The following USP19 variants were observed in gnomAD, a reference collection of about 807,000 sequenced individuals.
USP19 encodes the protein ubiquitin specific peptidase 19, also known as ubiquitin carboxyl-terminal hydrolase 19.
USP19 carries 40 observed loss-of-function variants against 144.8 expected under a neutral mutation model. The ratio of observed to expected loss-of-function variants is 0.28; its 90% CI spans 0.21 to 0.36. The LOEUF (loss-of-function observed/expected upper bound fraction) is 0.36, where lower values mean the gene tolerates loss of function less well. Ranked by LOEUF, USP19 falls within the 10% of genes least tolerant of loss-of-function variation. The pLI, the probability that USP19 is intolerant of heterozygous loss-of-function variation, is 1.00. For missense variants in USP19, 1,518 were observed against 1,822.5 expected (o/e 0.83, Z 3.04); for synonymous variants, 701 against 709.3 (o/e 0.99, Z 0.19).
Position 49,108,974 on chromosome 3 carries a change from T to A in USP19, c.4039-446A>T. 1 of 1,611,280 alleles carries A rather than the reference T, an allele frequency of 6.2e-7. No individual in the cohort carries two copies. The highest frequency in any genetic ancestry group is 8.5e-7 in the Non-Finnish European group (1 of 1,178,658). Reference sequence around the variant, plus strand: ...CAGGCGAGCTCATCTCCAGCGACTCTGGGATACCAGAGGATAGAACACGTT... The same window carrying A: ...CAGGCGAGCTCATCTCCAGCGACTCAGGGATACCAGAGGATAGAACACGTT... On this transcript the variant is annotated intron_variant, in intron 26 of 26. Transcript: ENST00000417901. The surrounding 1 kb of genome is among the most constrained non-coding windows in gnomAD (Gnocchi z 4.8).
Position 49,111,853 on chromosome 3 carries a change from C to A in USP19, c.2904-40G>T. The A allele has an allele frequency of 1.3e-6, 2 of 1,598,250 alleles. No homozygotes were observed. The highest frequency in any genetic ancestry group is 1.7e-6 in the Non-Finnish European group (2 of 1,170,752). Reference sequence around the variant, plus strand: ...CAACGCAAGTAAGACTCCTGACCAGCCCATCTAGCACCTCTGCCCCCACCT... The same window carrying A: ...CAACGCAAGTAAGACTCCTGACCAGACCATCTAGCACCTCTGCCCCCACCT... On this transcript the variant is annotated intron_variant, in intron 20 of 26. Coordinates refer to ENST00000417901, the MANE Select transcript of USP19 (RefSeq NM_001199161.2). The surrounding 1 kb of genome is among the most constrained non-coding windows in gnomAD (Gnocchi z 5.9).
chr3:49,109,095 C>T, intron 26 of USP19: 1 of 1,592,120 alleles, frequency 6.3e-7, no homozygotes, highest in Non-Finnish European at 8.5e-7. Context: ...AGGGGGCCCA[C>T]CCAGTCTTGG....
At chr3:49,109,046 CG>C (rs1253158989) in intron 26 of USP19, 1 of 1,612,702 alleles carries the variant, frequency 6.2e-7, no homozygotes, top group Admixed American at 1.7e-5. Flanking sequence ...GACAAAGTAC[CG>C]GAGGCAGCCC....
chr3:49,111,046 C>G lies in USP19; in HGVS notation c.3449G>C (p.Gly1150Ala). The change falls in exon 23 of 27, where the codon GGC becomes GCC. Residue 1150 changes from glycine to alanine, a missense_variant. Coordinates refer to ENST00000417901, the MANE Select transcript of USP19 (RefSeq NM_001199161.2). This position sits in a 1 kb window ranked among gnomAD's most constrained non-coding sequence, Gnocchi z 5.9. ...SKELECAEDP[G>A]SAGEAARAGH... is the part of the protein sequence containing the mutation. ...GGCCCGGGCAGCCTCACCGGCAGAG[C>G]CTGGATCCTCAGCACATTCCAGCTC... The G allele has an allele frequency of 6.2e-7, 1 of 1,614,064 alleles. No individual in the cohort carries two copies. Among genetic ancestry groups the G allele is most frequent in the Non-Finnish European group, 8.5e-7 (1 of 1,180,024 alleles).
At chr3:49,109,084 T>A (rs1329568471) in intron 26 of USP19, 3 of 1,600,912 alleles carry the variant, frequency 1.9e-6, no homozygotes, top group East Asian at 2.3e-5. Context: ...GGCCACGTGG[T>A]AGGGGGCCCA....
In USP19 at chr3:49,116,374, G is replaced by A. The variant is rs895463185; in HGVS notation, c.1284-23C>T. ...TCCCTGCAGAGGCACAGCAGGATAG[G>A]AGGAAGGACAAGAGGAAGAGCATGA... On this transcript the variant is annotated intron_variant, in intron 8 of 26. Transcript: ENST00000417901. The surrounding 1 kb of genome is among the most constrained non-coding windows in gnomAD (Gnocchi z 5.0). The A allele has an allele frequency of 6.2e-7, 1 of 1,614,010 alleles. No individual in the cohort carries two copies. The highest frequency in any genetic ancestry group is 1.3e-5 in the African/African-American group (1 of 74,928).
Position 49,117,391 on chromosome 3 carries a change from C to A in USP19, c.607-30G>T, listed in dbSNP as rs775413203. 9.1e-5 allele frequency: 146 copies of A among 1,608,300 alleles called. No individual in the cohort carries two copies. The highest frequency in any genetic ancestry group is 1.2e-4 in the Non-Finnish European group (143 of 1,175,704). On this transcript the variant is annotated intron_variant, in intron 5 of 26. Coordinates refer to ENST00000417901, the MANE Select transcript of USP19 (RefSeq NM_001199161.2). The surrounding 1 kb of genome is among the most constrained non-coding windows in gnomAD (Gnocchi z 4.4). ...CAAAGATACAGCAGTCAGGCCCTGT[C>A]GACTACACTGGTATCCCTACCCAAC...
chr3:49,116,506 C>T lies in USP19; in HGVS notation c.1228G>A (p.Asp410Asn). Reference protein sequence around the residue: ...VHVYVKEICRDTSRVLFREQD... With the variant: ...VHVYVKEICRNTSRVLFREQD... ...TCACGGAAAAGTACTCTTGAGGTGT[C>T]CCTGCAGATCTCCTTCACGTACACG... The change falls in exon 8 of 27, where the codon GAC (aspartate) becomes AAC (asparagine). Residue 410 changes from aspartate (D) to asparagine (N), a missense_variant. This residue lies in a region of USP19 where 707 missense variants were observed against 728.9 expected (regional missense o/e 0.97). Coordinates refer to ENST00000417901, the MANE Select transcript of USP19 (RefSeq NM_001199161.2). The surrounding 1 kb of genome is among the most constrained non-coding windows in gnomAD (Gnocchi z 5.0). The T allele has an allele frequency of 6.2e-7, 1 of 1,614,206 alleles. No individual in the cohort carries two copies. Among genetic ancestry groups the T allele is most frequent in the Non-Finnish European group, 8.5e-7 (1 of 1,180,040 alleles).
In USP19 at chr3:49,111,044, A is replaced by G. The variant is rs766427586; in HGVS notation, c.3451T>C (p.Ser1151Pro). The G allele has an allele frequency of 1.2e-6, 2 of 1,614,030 alleles. No homozygotes were observed. Among genetic ancestry groups the G allele is most frequent in the Admixed American group, 1.7e-5 (1 of 60,024 alleles). The change falls in exon 23 of 27, where the codon TCT (serine) becomes CCT (proline). Residue 1151 changes from serine (S) to proline (P), a missense_variant. By Grantham distance (74) the Ser-to-Pro change is moderately conservative. Transcript: ENST00000417901. The surrounding 1 kb of genome is among the most constrained non-coding windows in gnomAD (Gnocchi z 5.9). Reference sequence around the variant, plus strand: ...CCGGCCCGGGCAGCCTCACCGGCAGAGCCTGGATCCTCAGCACATTCCAGC... The same window carrying G: ...CCGGCCCGGGCAGCCTCACCGGCAGGGCCTGGATCCTCAGCACATTCCAGC... Reference protein sequence around the residue: ...KELECAEDPGSAGEAARAGHF... With the variant: ...KELECAEDPGPAGEAARAGHF...
chr3:49,111,865 C>A lies in USP19; in HGVS notation c.2903+46G>T. The A allele has an allele frequency of 9.3e-6, 15 of 1,607,940 alleles. No homozygotes were observed. Among genetic ancestry groups the A allele is most frequent in the Non-Finnish European group, 1.2e-5 (14 of 1,176,194 alleles). Reference sequence around the variant, plus strand: ...GACTCCTGACCAGCCCATCTAGCACCTCTGCCCCCACCTACACCACTCTAG... The same window carrying A: ...GACTCCTGACCAGCCCATCTAGCACATCTGCCCCCACCTACACCACTCTAG... On this transcript the variant is annotated intron_variant, in intron 20 of 26. Transcript: ENST00000417901. This position sits in a 1 kb window ranked among gnomAD's most constrained non-coding sequence, Gnocchi z 5.9.
rs61760207 is a variant in USP19 at position 49,111,522 on chromosome 3, G to T, written c.3195C>A (p.Gly1065=). The change falls in exon 21 of 27, where the codon GGC becomes GGA. Residue 1065 remains glycine, a synonymous_variant. Transcript: ENST00000417901. This position sits in a 1 kb window ranked among gnomAD's most constrained non-coding sequence, Gnocchi z 5.9. ...GPIEVGSLPA[G]ERVSRPEAAV... ...TACCTTCGGGTCGGGACACCCTCTC[G>T]CCAGCTGGCAAGGAGCCAACCTCAA... The T allele has an allele frequency of 6.2e-7, 1 of 1,611,446 alleles. No individual in the cohort carries two copies. Among genetic ancestry groups the T allele is most frequent in the Non-Finnish European group, 8.5e-7 (1 of 1,179,940 alleles).
In USP19 at chr3:49,108,448, T is replaced by A; in HGVS notation, c.4119A>T (p.Pro1373=). ...PERFAPPVDR[P]APTYSNMEEV... ...CCTCCATGTTGCTGTAGGTGGGGGCTGGCCGATCCACAGGGGGGGCGAAGC... is the reference window on the plus strand; with the variant it reads ...CCTCCATGTTGCTGTAGGTGGGGGCAGGCCGATCCACAGGGGGGGCGAAGC... The change falls in exon 27 of 27, where the codon CCA becomes CCT. Residue 1373 remains proline (P), a synonymous_variant. Transcript: ENST00000417901. This position sits in a 1 kb window ranked among gnomAD's most constrained non-coding sequence, Gnocchi z 4.8. 1 of 1,365,490 alleles carries A rather than the reference T, an allele frequency of 7.3e-7. No individual in the cohort carries two copies. Among genetic ancestry groups the A allele is most frequent in the Non-Finnish European group, 9.5e-7 (1 of 1,047,594 alleles). The allele number at this position is 1,365,490 out of a possible 1,614,324, so 84.6% of individuals were successfully genotyped here. A position where few individuals can be genotyped will look rare whatever the true frequency, so the allele number is the denominator to read the frequency against.
intron 1 of USP19, among the ~76,000 whole-genome samples, chr3:49,119,627 G>A (rs1350300931): frequency 1.3e-5 from 2 of 152,210 alleles, no homozygotes; most frequent in Non-Finnish European, 2.9e-5. Context: ...CGAGCAGGGT[G>A]CTCACTTTTC....
At chr3:49,113,853 C>T in intron 17 of USP19, 139 bp downstream of exon 17, 1 of 917,880 alleles carries the variant, frequency 1.1e-6, no homozygotes, top group East Asian at 2.7e-5. Flanking sequence ...CTCGGCCTCA[C>T]AAAGTGCTGG....
Position 49,114,912 on chromosome 3 carries a change from G to A in USP19, c.2182-39C>T, listed in dbSNP as rs769468557. On this transcript the variant is annotated intron_variant, in intron 14 of 26. Transcript: ENST00000417901. This position sits in a 1 kb window ranked among gnomAD's most constrained non-coding sequence, Gnocchi z 4.5. ...TGGTGAGAACCAAAGAGTACCAGGG[G>A]CTGGGATGCTCATGAGACATGCCCA... 1.9e-5 allele frequency: 30 copies of A among 1,614,032 alleles called. No homozygotes were observed. The highest frequency in any genetic ancestry group is 2.4e-5 in the Non-Finnish European group (28 of 1,180,032).
Position 49,110,641 on chromosome 3 carries a change from G to A in USP19, c.3699-37C>T, listed in dbSNP as rs1429884117. ...GTCCAGTCAGGGAGGGGTGAGACAG[G>A]CAACAGGCGCTCAGGATGCCCATCC... On this transcript the variant is annotated intron_variant, in intron 24 of 26. Coordinates refer to ENST00000417901, the MANE Select transcript of USP19 (RefSeq NM_001199161.2). The surrounding 1 kb of genome is among the most constrained non-coding windows in gnomAD (Gnocchi z 6.1). 1 of 1,611,828 alleles carries A rather than the reference G, an allele frequency of 6.2e-7. No homozygotes were observed. The highest frequency in any genetic ancestry group is 1.7e-5 in the Admixed American group (1 of 59,968).
In USP19 at chr3:49,110,431, T is replaced by C. The variant is rs1397312332; in HGVS notation, c.3859+13A>G. The C allele has an allele frequency of 4.3e-6, 7 of 1,613,204 alleles. No individual in the cohort carries two copies. The highest frequency in any genetic ancestry group is 4.5e-5 in the East Asian group (2 of 44,894). On this transcript the variant is annotated intron_variant, in intron 25 of 26. Transcript: ENST00000417901. This position sits in a 1 kb window ranked among gnomAD's most constrained non-coding sequence, Gnocchi z 6.1. The stretch of plus-strand genomic sequence containing the variant: ...CCCCTACCACCTATCCTGCTGGCTG[T>C]GTGTGCCCTCACCCACGTCACTGCG...
In USP19 at chr3:49,114,411, A is replaced by C; in HGVS notation, c.2293-127T>G. On this transcript the variant is annotated intron_variant, in intron 15 of 26. Coordinates refer to ENST00000417901, the MANE Select transcript of USP19 (RefSeq NM_001199161.2). The surrounding 1 kb of genome is among the most constrained non-coding windows in gnomAD (Gnocchi z 4.5). The stretch of plus-strand genomic sequence containing the variant: ...CCCCACAGCCAACCAGCAAACTCTC[A>C]GGCTTCAGGACACTAGACAGGGCAG... 1 of 819,234 alleles carries C rather than the reference A, an allele frequency of 1.2e-6. No individual in the cohort carries two copies. Among genetic ancestry groups the C allele is most frequent in the Non-Finnish European group, 1.9e-6 (1 of 513,966 alleles). The allele number at this position is 819,234 out of a possible 1,614,324, so 50.7% of individuals were successfully genotyped here.
In USP19 at chr3:49,108,394, C is replaced by G. The variant is rs999242210; in HGVS notation, c.*18G>C. 8.9e-7 allele frequency: 1 copy of G among 1,121,598 alleles called. No homozygotes were observed. Among genetic ancestry groups the G allele is most frequent in the African/African-American group, 1.6e-5 (1 of 60,904 alleles). 69.5% of individuals were successfully genotyped at this position (1,121,598 alleles called of 1,614,324 possible). A position where few individuals can be genotyped will look rare whatever the true frequency, so the allele number is the denominator to read the frequency against. The stretch of plus-strand genomic sequence containing the variant: ...GTGGGTGTCCCAAACCCAGTCCCCC[C>G]CATCAGCCAGGGACCTGCTAATCCA... On this transcript the variant is annotated 3_prime_UTR_variant, in exon 27 of 27. Coordinates refer to ENST00000417901, the MANE Select transcript of USP19 (RefSeq NM_001199161.2). This position sits in a 1 kb window ranked among gnomAD's most constrained non-coding sequence, Gnocchi z 4.8.
Sources: allele counts gnomAD v4.1 joint callset (sites outside exome capture counted in the v4.1 genomes callset), GRCh38; gene constraint gnomAD v4.1.1; regional missense constraint gnomAD v4.1.1; non-coding constraint Gnocchi (gnomAD v3.1); transcripts MANE v1.5; gene names NCBI Gene and HGNC (gene_info 2026-07-23, HGNC 2026-07-21).